The following UBR3 variants were observed in gnomAD, a reference collection of about 807,000 sequenced individuals.
The protein encoded by UBR3 is E3 ubiquitin-protein ligase UBR3.
A neutral mutation model predicts 243.2 loss-of-function variants in UBR3; 85 were observed. The observed-to-expected ratio is 0.35, with a 90% confidence interval of 0.29 to 0.42. UBR3 has a LOEUF of 0.42. Among genes scored for constraint, UBR3 ranks in the 10% least tolerant of loss-of-function variants. UBR3 has a pLI of 1.00. For synonymous variants in UBR3, 748 were observed against 799.8 expected (o/e 0.94, Z 1.09); for missense variants, 1,686 against 2,300.8 (o/e 0.73, Z 5.47).
intron 5 of UBR3, among the ~76,000 whole-genome samples, chr2:169,885,761 C>T (rs1056634135): frequency 6.7e-6 from 1 of 150,236 alleles, no homozygotes; most frequent in Non-Finnish European, 1.5e-5. Context: ...ATATTCTTGT[C>T]TTTATTCAAG....
At chr2:169,882,681 A>C (rs1356598747) in intron 5 of UBR3, among the ~76,000 whole-genome samples, 1 of 151,746 alleles carries the variant, frequency 6.6e-6, no homozygotes, top group Non-Finnish European at 1.5e-5. Flanking sequence ...CAGAAGTTGC[A>C]GAGCTGAGAT....
At chr2:170,058,561 G>A (rs369995386) in intron 33 of UBR3, among the ~76,000 whole-genome samples, 12 of 137,100 alleles carry the variant, frequency 8.8e-5, no homozygotes, top group East Asian at 4.2e-4. Flanking sequence ...TATCGCCCAC[G>A]TTGGAGTGCA....
intron 24 of UBR3, among the ~76,000 whole-genome samples, chr2:169,971,025 T>C (rs2088114143): frequency 2.0e-5 from 3 of 150,302 alleles, no homozygotes; most frequent in Admixed American, 2.0e-4. Context: ...TTCTAACTGG[T>C]GTGAGATGGT....
intron 6 of UBR3, among the ~76,000 whole-genome samples, chr2:169,893,093 A>G (rs1040214782): frequency 1.3e-5 from 2 of 152,254 alleles, no homozygotes; most frequent in Admixed American, 6.5e-5. Context: ...CTACATTTTC[A>G]TAATATTACA....
chr2:169,950,939 C>G (rs1461916151), intron 23 of UBR3, among the ~76,000 whole-genome samples: 1 of 151,082 alleles, frequency 6.6e-6, no homozygotes, highest in African/African-American at 2.4e-5. Flanking sequence ...GGCTAAAAGA[C>G]CCAGGACATT....
At chr2:169,999,712 AAG>A (rs1304497738) in intron 26 of UBR3, among the ~76,000 whole-genome samples, 2 of 152,180 alleles carry the variant, frequency 1.3e-5, no homozygotes, top group Admixed American at 1.3e-4. Flanking sequence ...AATTCTAAGA[AAG>A]AGATTTTAGG....
intron 16 of UBR3, 108 bp downstream of exon 16, chr2:169,927,079 T>G (rs1178880827): frequency 1.9e-5 from 25 of 1,306,552 alleles, no homozygotes; most frequent in Non-Finnish European, 2.4e-5. Flanking sequence ...TGTAGATAAA[T>G]GTAAACAATG....
At chr2:169,989,139 A>G (rs1428267809) in intron 25 of UBR3, among the ~76,000 whole-genome samples, 2 of 152,220 alleles carry the variant, frequency 1.3e-5, no homozygotes, top group Non-Finnish European at 2.9e-5. Flanking sequence ...CAGATTTTAG[A>G]CATCATATAA....
At chr2:169,936,677 C>A (rs530100801) in intron 19 of UBR3, among the ~76,000 whole-genome samples, 1 of 152,174 alleles carries the variant, frequency 6.6e-6, no homozygotes, top group East Asian at 1.9e-4. Context: ...CCCACTCCCC[C>A]CACCCCACAA....
intron 8 of UBR3, among the ~76,000 whole-genome samples, chr2:169,902,544 T>A (rs2084867669): frequency 6.6e-6 from 1 of 150,820 alleles, no homozygotes; most frequent in Non-Finnish European, 1.5e-5. Flanking sequence ...TCACTAGTTT[T>A]ATCTGGTTAA....
intron 30 of UBR3, among the ~76,000 whole-genome samples, chr2:170,022,196 C>T (rs1404302393): frequency 6.6e-6 from 1 of 152,114 alleles, no homozygotes; most frequent in Non-Finnish European, 1.5e-5. Context: ...CTTCTAGTCC[C>T]TGAAACCTTA....
chr2:169,921,449 C>T (rs2085693338), intron 11 of UBR3, among the ~76,000 whole-genome samples: 1 of 152,086 alleles, frequency 6.6e-6, no homozygotes, highest in Admixed American at 6.6e-5. Flanking sequence ...CAGTCTGTGA[C>T]ATTAGACAAG....
intron 28 of UBR3, among the ~76,000 whole-genome samples, chr2:170,008,120 C>G (rs571531004): frequency 1.6e-4 from 25 of 152,188 alleles, no homozygotes; most frequent in Admixed American, 2.6e-4. Flanking sequence ...GGGAACTCAT[C>G]TTTTATCCCA....
chr2:170,017,580 C>T lies in UBR3; in HGVS notation c.4453+2214C>T, dbSNP rs1355027524. ...ACACACACACACACACACACACACACACAGGGGGAGAAGGGAAGATTGTTC... is the reference window on the plus strand; with the variant it reads ...ACACACACACACACACACACACACATACAGGGGGAGAAGGGAAGATTGTTC... On this transcript the variant is annotated intron_variant, in intron 30 of 38. Coordinates refer to ENST00000272793, the MANE Select transcript of UBR3 (RefSeq NM_172070.4). Among the ~76,000 whole-genome samples the T allele has an allele frequency of 4.2e-5, 4 of 96,336 alleles. No homozygotes were observed. The East Asian group carries it at 1.8e-3, about 44-fold the overall frequency. The allele number at this position is 96,336 out of a possible 152,430, so 63.2% of individuals were successfully genotyped here. A position where few individuals can be genotyped will look rare whatever the true frequency, so the allele number is the denominator to read the frequency against.
chr2:169,893,569 T>A (rs1377441202), intron 6 of UBR3, among the ~76,000 whole-genome samples: 1 of 152,214 alleles, frequency 6.6e-6, no homozygotes, highest in Non-Finnish European at 1.5e-5. Context: ...AATTTATTTT[T>A]TTCAGCACAG....
In UBR3 at chr2:169,888,196, T is replaced by G. The variant is rs568911924; in HGVS notation, c.1039-2969T>G. On this transcript the variant is annotated intron_variant, in intron 5 of 38. Transcript: ENST00000272793. The stretch of plus-strand genomic sequence containing the variant: ...CTTTGTCGCCCAGGCTGGAGTGCAG[T>G]GGCACGATCTCGGCTCACTGCAACC... Among the ~76,000 whole-genome samples the G allele has an allele frequency of 2.0e-5, 3 of 151,392 alleles. No homozygotes were observed. The South Asian group carries it at 6.3e-4, about 32-fold the overall frequency.
chr2:169,857,138 A>G (rs2082914929), intron 1 of UBR3, among the ~76,000 whole-genome samples: 1 of 117,836 alleles, frequency 8.5e-6, no homozygotes, highest in African/African-American at 3.3e-5. Flanking sequence ...CAGTGGTGCG[A>G]TCTAGGCTCA....
chr2:169,892,472 TAA>T (rs1202926067), intron 6 of UBR3, among the ~76,000 whole-genome samples: 1 of 152,216 alleles, frequency 6.6e-6, no homozygotes, highest in Admixed American at 6.5e-5. Context: ...AGACTTAAGT[TAA>T]AGTGTTTTTT....
chr2:170,005,353 A>G (rs1324297995), intron 27 of UBR3, among the ~76,000 whole-genome samples: 1 of 152,260 alleles, frequency 6.6e-6, no homozygotes, highest in Non-Finnish European at 1.5e-5. Context: ...GTTTGTAGCA[A>G]GAAGGCATTT....
Sources: gnomAD v4.1 joint callset for allele counts (sites outside exome capture counted in the v4.1 genomes callset) on GRCh38, gnomAD v4.1.1 for gene constraint, MANE v1.5 for transcripts, NCBI Gene and HGNC (gene_info 2026-07-23, HGNC 2026-07-21) for gene names.